UNC13B: variants seen among roughly 807,000 people sequenced by gnomAD.
UNC13B encodes unc-13 homolog B, also known as protein unc-13 homolog B.
Under a neutral mutation model 211.0 loss-of-function variants are expected in UNC13B, and 144 were observed. That is an observed-to-expected ratio of 0.68 (90% confidence interval 0.60 to 0.78). The LOEUF (loss-of-function observed/expected upper bound fraction) is 0.78, where lower values mean the gene tolerates loss of function less well. Among genes scored for constraint, UNC13B ranks in the 30% least tolerant of loss-of-function variants. UNC13B has a pLI of 0.00. For missense variants in UNC13B, 1,777 were observed against 2,002.0 expected (o/e 0.89, Z 2.14); for synonymous variants, 709 against 725.8 (o/e 0.98, Z 0.37).
rs368948597 is a variant in UNC13B at position 35,264,951 on chromosome 9, C to T, written c.526+5901C>T. ...GAAGCACATAACTTGTCTGGTTTCG[C>T]AGGTTTATAGCTGGAAATGCATTTC... On this transcript the variant is annotated intron_variant, in intron 7 of 39. Coordinates refer to ENST00000635942, the MANE Select transcript of UNC13B (RefSeq NM_001371189.2). Among the ~76,000 whole-genome samples, 261 of 152,226 alleles carry T rather than the reference C, an allele frequency of 1.7e-3. 1 individual carries two copies. The highest frequency in any genetic ancestry group is 6.1e-3 in the African/African-American group (254 of 41,546).
At chr9:35,289,703 A>C (rs1828987887) in intron 7 of UNC13B, among the ~76,000 whole-genome samples, 1 of 152,166 alleles carries the variant, frequency 6.6e-6, no homozygotes, top group Non-Finnish European at 1.5e-5. Flanking sequence ...TTGGCTGAGC[A>C]TGGTGGCTCA....
intron 11 of UNC13B, among the ~76,000 whole-genome samples, chr9:35,362,728 A>G (rs1833503583): frequency 6.8e-6 from 1 of 146,904 alleles, no homozygotes; most frequent in Non-Finnish European, 1.5e-5. Context: ...TGAACCCAGG[A>G]GGTGGAGCTT....
At chr9:35,321,167 T>G (rs1406073337) in intron 11 of UNC13B, among the ~76,000 whole-genome samples, 3 of 152,190 alleles carry the variant, frequency 2.0e-5, no homozygotes, top group Non-Finnish European at 4.4e-5. Flanking sequence ...TTTAATGACT[T>G]AATAGATTAA....
In UNC13B at chr9:35,390,509, T is replaced by C. The variant is rs1417655898; in HGVS notation, c.11223-120T>C. 2.7e-6 allele frequency: 3 copies of C among 1,131,538 alleles called. No homozygotes were observed. In the African/African-American group the frequency reaches 4.7e-5, roughly 18 times the overall value. 70.1% of individuals were successfully genotyped at this position (1,131,538 alleles called of 1,614,324 possible). ...TTTCTCCAGATTGGACCTAGCCCTG[T>C]TCCCTAAGCATCTCCTCTCTCCAAT... is the stretch of plus-strand genomic sequence containing the variant. On this transcript the variant is annotated intron_variant, in intron 25 of 39. Coordinates refer to ENST00000635942, the MANE Select transcript of UNC13B (RefSeq NM_001371189.2).
rs750724373 is a variant in UNC13B, at chr9:35,228,017, A to C, written c.25A>C (p.Lys9Gln). 1 of 1,612,012 alleles carries C rather than the reference A, an allele frequency of 6.2e-7. No individual in the cohort carries two copies. ...GTATCCTCTTTTTTCTCTTGCAGTT[A>C]AAAGGGCCAAATTCCAGGGTTCACC... The part of the protein sequence containing the change: MSLLCVRV[K>Q]RAKFQGSPDK... Residue 9 changes from lysine (K) to glutamine (Q), a missense_variant and splice_region_variant, in exon 2 of 40, where the codon AAA (lysine) becomes CAA (glutamine). By Grantham distance (53) the Lys-to-Gln change is moderately conservative (BLOSUM62 1). Coordinates refer to ENST00000635942, the MANE Select transcript of UNC13B (RefSeq NM_001371189.2).
intron 7 of UNC13B, among the ~76,000 whole-genome samples, chr9:35,275,087 G>A (rs758984660): frequency 6.6e-6 from 1 of 151,518 alleles, no homozygotes; most frequent in African/African-American, 2.4e-5. Context: ...ATGAATTCTT[G>A]ATGGCCACTT....
intron 7 of UNC13B, among the ~76,000 whole-genome samples, chr9:35,269,846 TC>T (rs1479752194): frequency 6.6e-6 from 1 of 152,214 alleles, no homozygotes; most frequent in Non-Finnish European, 1.5e-5. Context: ...AGAAGAGCTT[TC>T]CTTCTTCGCA....
intron 11 of UNC13B, among the ~76,000 whole-genome samples, chr9:35,349,776 G>T (rs949590951): frequency 6.6e-6 from 1 of 152,130 alleles, no homozygotes; most frequent in South Asian, 2.1e-4. Context: ...CCTCTGACTC[G>T]TCCTTCTGGT....
Position 35,306,100 on chromosome 9 carries a change from A to G in UNC13B, c.6696A>G (p.Lys2232=), listed in dbSNP as rs1476485157. 1 of 398,880 alleles carries G rather than the reference A, an allele frequency of 2.5e-6. No homozygotes were observed. The highest frequency in any genetic ancestry group is 4.4e-6 in the Non-Finnish European group (1 of 226,050). The allele number at this position is 398,880 out of a possible 1,614,324, so 24.7% of individuals were successfully genotyped here. The part of the protein sequence containing the change: ...LDQKKETSGE[K]QSISTVVPVT... ...AAAAAAAGGAGACCTCTGGGGAAAAACAAAGCATTTCAACTGTTGTTCCAG... is the reference window on the plus strand; with the variant it reads ...AAAAAAAGGAGACCTCTGGGGAAAAGCAAAGCATTTCAACTGTTGTTCCAG... The change falls in exon 9 of 40, where the codon AAA becomes AAG. Residue 2232 remains lysine, a synonymous_variant. Coordinates refer to ENST00000635942, the MANE Select transcript of UNC13B (RefSeq NM_001371189.2).
Position 35,386,230 on chromosome 9 carries a change from G to C in UNC13B, c.11031G>C (p.Leu3677Phe). ...TAAAGGATTGTGTGAAGGCCTGTTT[G>C]AACTCCACATATGAATATATCTTCA... ...QVVKDCVKAC[L>F]NSTYEYIFNN... The change falls in exon 24 of 40, where the codon TTG becomes TTC. Residue 3677 changes from leucine to phenylalanine, a missense_variant. Coordinates refer to ENST00000635942, the MANE Select transcript of UNC13B (RefSeq NM_001371189.2). 6.2e-7 allele frequency: 1 copy of C among 1,614,190 alleles called. No homozygotes were observed. Among genetic ancestry groups the C allele is most frequent in the East Asian group, 2.2e-5 (1 of 44,886 alleles).
chr9:35,257,333 A>ATATAAATATTTATAAAAATATTTT, intron 6 of UNC13B, among the ~76,000 whole-genome samples: 1 of 110,620 alleles, frequency 9.0e-6, no homozygotes, highest in Non-Finnish European at 1.8e-5. Flanking sequence ...AAAAATATTT[A>ATATAAATATTTATAAAAATATTTT]TATAAATATT....
chr9:35,249,629 G>C (rs1826336439), intron 6 of UNC13B, among the ~76,000 whole-genome samples: 1 of 152,138 alleles, frequency 6.6e-6, no homozygotes, highest in South Asian at 2.1e-4. Context: ...TAGTTTGGCT[G>C]GATATGAAAT....
chr9:35,283,558 CACTT>C (rs1420147830), intron 7 of UNC13B, among the ~76,000 whole-genome samples: 2 of 151,712 alleles, frequency 1.3e-5, no homozygotes, highest in African/African-American at 2.4e-5. Context: ...ATTTTTTTGA[CACTT>C]ACATTCCAGG....
At position 35,301,970 on chromosome 9, in the gene UNC13B, T is replaced by G; in HGVS notation, c.2566T>G (p.Ser856Ala). Reference sequence around the variant, plus strand: ...CTCTAAGAAAGATGGTCATTCCTTTTCCTTTAGTGGAAAACTAAATCTTCC... The same window carrying G: ...CTCTAAGAAAGATGGTCATTCCTTTGCCTTTAGTGGAAAACTAAATCTTCC... ...RGSKKDGHSF[S>A]FSGKLNLPFF... Residue 856 changes from serine (S) to alanine (A), a missense_variant, in exon 9 of 40, where the codon TCC becomes GCC. Ser to Ala is a moderately conservative substitution (Grantham distance 99, BLOSUM62 1). Coordinates refer to ENST00000635942, the MANE Select transcript of UNC13B (RefSeq NM_001371189.2). The G allele has an allele frequency of 2.5e-6, 1 of 398,816 alleles. No homozygotes were observed. Among genetic ancestry groups the G allele is most frequent in the Non-Finnish European group, 4.4e-6 (1 of 225,844 alleles). The allele number at this position is 398,816 out of a possible 1,614,324, so 24.7% of individuals were successfully genotyped here. A position where few individuals can be genotyped will look rare whatever the true frequency, so the allele number is the denominator to read the frequency against.
intron 37 of UNC13B, among the ~76,000 whole-genome samples, chr9:35,402,426 C>G (rs111415387): frequency 6.6e-6 from 1 of 151,802 alleles, no homozygotes; most frequent in Non-Finnish European, 1.5e-5. Context: ...GGACTACAGG[C>G]GCCTGCCACC....
intron 11 of UNC13B, among the ~76,000 whole-genome samples, chr9:35,366,188 T>G (rs1042976038): frequency 5.3e-5 from 8 of 152,234 alleles, no homozygotes; most frequent in African/African-American, 1.9e-4. Context: ...TCTGGAGCAC[T>G]CTGGCAGCTT....
chr9:35,177,574 A>T (rs1300192879), intron 1 of UNC13B, among the ~76,000 whole-genome samples: 2 of 152,172 alleles, frequency 1.3e-5, no homozygotes, highest in Non-Finnish European at 2.9e-5. Flanking sequence ...ATTCTATTGT[A>T]TAGTAACTTT....
At chr9:35,227,976 G>GTAAAAA in intron 1 of UNC13B, 39 bp from the exon 2 acceptor site, 1 of 1,598,986 alleles carries the variant, frequency 6.3e-7, no homozygotes, top group Non-Finnish European at 8.5e-7. Flanking sequence ...AAATGAACTT[G>GTAAAAA]GAAACATTCT....
Position 35,380,597 on chromosome 9 carries a change from G to C in UNC13B, c.10333G>C (p.Val3445Leu). ...DDFLGQTIIE[V>L]RTLSGEMDVW... The stretch of plus-strand genomic sequence containing the variant: ...TTTCCTTGGCCAAACCATCATTGAG[G>C]TTCGGACCCTAAGTGGCGAGATGGA... The change falls in exon 18 of 40, where the codon GTT becomes CTT. Residue 3445 changes from valine (V) to leucine (L), a missense_variant. Val to Leu is a conservative substitution (Grantham distance 32, BLOSUM62 1). Coordinates refer to ENST00000635942, the MANE Select transcript of UNC13B (RefSeq NM_001371189.2). 1 of 1,614,218 alleles carries C rather than the reference G, an allele frequency of 6.2e-7. No homozygotes were observed. The highest frequency in any genetic ancestry group is 8.5e-7 in the Non-Finnish European group (1 of 1,180,044).
Sources: allele counts gnomAD v4.1 joint callset (sites outside exome capture counted in the v4.1 genomes callset), GRCh38; gene constraint gnomAD v4.1.1; transcripts MANE v1.5; gene names NCBI Gene and HGNC (gene_info 2026-07-23, HGNC 2026-07-21).